Variants in NEMP2 observed in about 807,000 individuals in gnomAD.
NEMP2 encodes the protein nuclear envelope integral membrane protein 2.
Under a neutral mutation model 54.2 loss-of-function variants are expected in NEMP2, and 53 were observed. The observed-to-expected ratio is 0.98, with a 90% CI of 0.78 to 1.23. The LOEUF is 1.23. Ranked by LOEUF, NEMP2 falls within the 50% of genes most tolerant of loss-of-function variation. The pLI, the probability that NEMP2 is intolerant of heterozygous loss-of-function variation, is 0.00. For synonymous variants in NEMP2, 197 were observed against 190.3 expected, an observed-to-expected ratio of 1.04 and a Z score of -0.29; for missense variants, 455 against 511.3, an observed-to-expected ratio of 0.89 and a Z score of 1.06.
rs184750935 is a variant in NEMP2 at position 190,524,249 on chromosome 2, A to C, written c.213+1014T>G. On this transcript the variant is annotated intron_variant, in intron 2 of 8. Coordinates refer to ENST00000409150, the MANE Select transcript of NEMP2 (RefSeq NM_001142645.2). ...AACAGGACAGATATAAAAAATCAAC[A>C]TTTGATAAATATCATCATGATTATT... Among the ~76,000 whole-genome samples, 4 of 152,216 alleles carry C rather than the reference A, an allele frequency of 2.6e-5. No individual in the cohort carries two copies. In the East Asian group the frequency reaches 7.7e-4, roughly 29 times the overall value.
the NEMP2 span, among the ~76,000 whole-genome samples, chr2:190,430,257 G>C: frequency 6.6e-6 from 1 of 150,550 alleles, no homozygotes; most frequent in Non-Finnish European, 1.5e-5. Context: ...TCGCAGAGGG[G>C]GATTTGGCAG....
chr2:190,614,542 G>A, the NEMP2 span, among the ~76,000 whole-genome samples: 3 of 152,284 alleles, frequency 2.0e-5, no homozygotes, highest in South Asian at 2.1e-4. This position sits in a 1 kb window ranked among gnomAD's most constrained non-coding sequence, Gnocchi z 5.7. Flanking sequence ...TAGTTAAGCT[G>A]ACTCTCAATC....
chr2:190,612,433 CG>C, the NEMP2 span, among the ~76,000 whole-genome samples: 12 of 152,224 alleles, frequency 7.9e-5, no homozygotes, highest in African/African-American at 2.6e-4. Flanking sequence ...GGATTACAGG[CG>C]TGAGCCACTG....
the NEMP2 span, among the ~76,000 whole-genome samples, chr2:190,573,732 T>G: frequency 6.6e-6 from 1 of 152,200 alleles, no homozygotes; most frequent in Non-Finnish European, 1.5e-5. Context: ...TTCTCAAGAT[T>G]AATGAGATAA....
the NEMP2 span, chr2:190,436,083 A>G: frequency 1.9e-6 from 3 of 1,614,128 alleles, no homozygotes; most frequent in Non-Finnish European, 2.5e-6. This position sits in a 1 kb window ranked among gnomAD's most constrained non-coding sequence, Gnocchi z 5.3. Context: ...AACAGAAGAG[A>G]AAGTATGTGC....
upstream of NEMP2, among the ~76,000 whole-genome samples, chr2:190,535,424 A>G (rs1574326421): frequency 6.6e-6 from 1 of 152,218 alleles, no homozygotes; most frequent in African/African-American, 2.4e-5. Context: ...ATATTTTTAA[A>G]TTAACATATA....
chr2:190,572,833 G>GCTTATATATATA, the NEMP2 span, among the ~76,000 whole-genome samples: 6 of 47,864 alleles, frequency 1.3e-4, no homozygotes, highest in Non-Finnish European at 1.9e-4. Flanking sequence ...CTTTTCATGA[G>GCTTATATATATA]TATATATATA....
the NEMP2 span, chr2:190,477,432 CTTT>C: frequency 1.1e-6 from 1 of 882,242 alleles, no homozygotes; most frequent in Non-Finnish European, 1.4e-6. Flanking sequence ...ATGCATATAA[CTTT>C]TTTATCCTTT....
chr2:190,537,358 G>A (rs1169944524), upstream of NEMP2, among the ~76,000 whole-genome samples: 1 of 152,158 alleles, frequency 6.6e-6, no homozygotes, highest in African/African-American at 2.4e-5. Context: ...CACATCGTGG[G>A]AGGGACCCAG....
the NEMP2 span, among the ~76,000 whole-genome samples, chr2:190,541,665 C>G: frequency 6.6e-6 from 1 of 152,160 alleles, no homozygotes; most frequent in Non-Finnish European, 1.5e-5. This position sits in a 1 kb window ranked among gnomAD's most constrained non-coding sequence, Gnocchi z 5.2. Flanking sequence ...TGCCCACATA[C>G]TTAATTTTAC....
chr2:190,590,955 T>C, the NEMP2 span, among the ~76,000 whole-genome samples: 43 of 152,310 alleles, frequency 2.8e-4, no homozygotes, highest in African/African-American at 1.0e-3. This position sits in a 1 kb window ranked among gnomAD's most constrained non-coding sequence, Gnocchi z 5.1. Context: ...TTATAAAACA[T>C]GTACAGCACA....
At chr2:190,477,081 C>T in the NEMP2 span, 1 of 156,230 alleles carries the variant, frequency 6.4e-6, no homozygotes, top group African/African-American at 2.4e-5. Context: ...GGAGGGATAG[C>T]ATTAGGAGAT....
the NEMP2 span, among the ~76,000 whole-genome samples, chr2:190,554,079 C>G: frequency 6.6e-6 from 1 of 152,164 alleles, no homozygotes; most frequent in Non-Finnish European, 1.5e-5. The surrounding 1 kb of genome is among the most constrained non-coding windows in gnomAD (Gnocchi z 5.7). Flanking sequence ...AACTCCCTCT[C>G]CTAGCCGAGG....
chr2:190,541,376 C>T, the NEMP2 span, among the ~76,000 whole-genome samples: 6 of 152,158 alleles, frequency 3.9e-5, no homozygotes, highest in Non-Finnish European at 8.8e-5. This position sits in a 1 kb window ranked among gnomAD's most constrained non-coding sequence, Gnocchi z 5.2. Context: ...TTGCTATAAA[C>T]TTTCCTCTTA....
chr2:190,615,306 G>T, the NEMP2 span, among the ~76,000 whole-genome samples: 1 of 152,146 alleles, frequency 6.6e-6, no homozygotes, highest in African/African-American at 2.4e-5. This position sits in a 1 kb window ranked among gnomAD's most constrained non-coding sequence, Gnocchi z 4.7. Context: ...TGCTAGAGTG[G>T]CTCACATAAT....
At chr2:190,423,751 A>G in the NEMP2 span, among the ~76,000 whole-genome samples, 1 of 152,204 alleles carries the variant, frequency 6.6e-6, no homozygotes, top group Non-Finnish European at 1.5e-5. The surrounding 1 kb of genome is among the most constrained non-coding windows in gnomAD (Gnocchi z 4.3). Flanking sequence ...TTAAATCCCC[A>G]CCCACAGTAT....
At chr2:190,488,961 G>T in the NEMP2 span, 131 of 918,236 alleles carry the variant, frequency 1.4e-4, no homozygotes, top group Non-Finnish European at 1.3e-4. This position sits in a 1 kb window ranked among gnomAD's most constrained non-coding sequence, Gnocchi z 6.4. Context: ...TAGATTTCAT[G>T]GTAGTCATAA....
chr2:190,435,751 C>G, the NEMP2 span: 2 of 340,368 alleles, frequency 5.9e-6, no homozygotes, highest in Non-Finnish European at 1.1e-5. Context: ...GTAAACCTGC[C>G]ATTGGAAGAT....
chr2:190,436,107 T>C, the NEMP2 span: 1 of 1,614,120 alleles, frequency 6.2e-7, no homozygotes, highest in African/African-American at 1.3e-5. This position sits in a 1 kb window ranked among gnomAD's most constrained non-coding sequence, Gnocchi z 5.3. Context: ...CAGATCCCTT[T>C]AATGGTATTT....
Sources: gnomAD v4.1 joint callset for allele counts (sites outside exome capture counted in the v4.1 genomes callset) on GRCh38, gnomAD v4.1.1 for gene constraint, Gnocchi (gnomAD v3.1) non-coding constraint, MANE v1.5 for transcripts, NCBI Gene and HGNC (gene_info 2026-07-23, HGNC 2026-07-21) for gene names.